The following OIT3 variants were observed in gnomAD, a reference collection of about 807,000 sequenced individuals.
OIT3 encodes the protein oncoprotein induced transcript 3.
Under a neutral mutation model 52.2 loss-of-function variants are expected in OIT3, and 41 were observed. The observed-to-expected ratio is 0.79, with a 90% CI of 0.61 to 1.02. The LOEUF (loss-of-function observed/expected upper bound fraction) is 1.02, where lower values mean the gene tolerates loss of function less well. Among genes scored for constraint, OIT3 ranks in the 50% least tolerant of loss-of-function variants. OIT3 has a pLI of 0.00. For missense variants in OIT3, 634 were observed against 715.5 expected, an observed-to-expected ratio of 0.89 and a Z score of 1.30; for synonymous variants, 244 against 276.9, an observed-to-expected ratio of 0.88 and a Z score of 1.18.
At chr10:72,915,629 C>T (rs985387458) in intron 6 of OIT3, among the ~76,000 whole-genome samples, 16 of 152,142 alleles carry the variant, frequency 1.1e-4, no homozygotes, top group African/African-American at 3.9e-4. Flanking sequence ...TTCCCATTTT[C>T]CCTGTAAGGA....
intron 7 of OIT3, among the ~76,000 whole-genome samples, chr10:72,925,507 A>G (rs1846162665): frequency 6.6e-6 from 1 of 152,244 alleles, no homozygotes. Context: ...GCCAGCAAAC[A>G]TAAATTCCTC....
At chr10:72,903,012 G>A (rs943544265) in intron 3 of OIT3, among the ~76,000 whole-genome samples, 3 of 152,140 alleles carry the variant, frequency 2.0e-5, no homozygotes, top group African/African-American at 4.8e-5. Flanking sequence ...TGTGGGGTCT[G>A]TGGGACTTCA....
chr10:72,932,984 A>G lies in OIT3; in HGVS notation c.*460A>G, dbSNP rs937038196. On this transcript the variant is annotated 3_prime_UTR_variant, in exon 9 of 9. Coordinates refer to ENST00000334011, the MANE Select transcript of OIT3 (RefSeq NM_152635.3). ...GAAATTTCAATTCAAATGCAGACTA[A>G]TTATAGGGAATTTGGAAGTGTATCA... 1 of 153,936 alleles carries G rather than the reference A, an allele frequency of 6.5e-6. No individual in the cohort carries two copies. The highest frequency in any genetic ancestry group is 2.4e-5 in the African/African-American group (1 of 41,542). The allele number at this position is 153,936 out of a possible 1,614,324, so 9.5% of individuals were successfully genotyped here.
In OIT3 at chr10:72,898,275, A is replaced by G. The variant is rs927354885; in HGVS notation, c.62-389A>G. Among the ~76,000 whole-genome samples the G allele has an allele frequency of 2.0e-5, 3 of 152,164 alleles. No homozygotes were observed. In the East Asian group the frequency reaches 5.8e-4, roughly 29 times the overall value. On this transcript the variant is annotated intron_variant, in intron 1 of 8. Coordinates refer to ENST00000334011, the MANE Select transcript of OIT3 (RefSeq NM_152635.3). ...GCACTCCAGCCTGGGTGACAGAGCC[A>G]AACCCTGTTTCAAAAATAATAATAA...
intron 6 of OIT3, among the ~76,000 whole-genome samples, chr10:72,916,672 A>G (rs1472403435): frequency 6.6e-6 from 1 of 152,222 alleles, no homozygotes; most frequent in Non-Finnish European, 1.5e-5. Context: ...AGGATGATTT[A>G]TAATCCTTTG....
intron 5 of OIT3, 29 bp from the exon 6 acceptor site, chr10:72,913,279 G>T: frequency 1.3e-6 from 2 of 1,538,102 alleles, no homozygotes; most frequent in Non-Finnish European, 1.8e-6. Flanking sequence ...AGGTTTCCTG[G>T]CTCTAACAGT....
At chr10:72,894,745 G>A (rs1342807902) in intron 1 of OIT3, among the ~76,000 whole-genome samples, 3 of 152,032 alleles carry the variant, frequency 2.0e-5, no homozygotes, top group Admixed American at 2.0e-4. Flanking sequence ...AAAATTAGAT[G>A]GTCATGGTGT....
At chr10:72,923,769 G>A (rs758189381) in intron 6 of OIT3, among the ~76,000 whole-genome samples, 2 of 152,306 alleles carry the variant, frequency 1.3e-5, no homozygotes, top group Non-Finnish European at 2.9e-5. Flanking sequence ...CCTAGAGTAG[G>A]TATGCCATGC....
Position 72,930,655 on chromosome 10 carries a change from A to AATT in OIT3, c.1467+19_1467+21dup, listed in dbSNP as rs1179535923. On this transcript the variant is annotated intron_variant, in intron 8 of 8. Coordinates refer to ENST00000334011, the MANE Select transcript of OIT3 (RefSeq NM_152635.3). ...ACCACAAGGTGAGTTGAACATCTTT[A>AATT]ATTTATAACCCCTGAACCTGAGCCT... 7.0e-7 allele frequency: 1 copy of AATT among 1,430,450 alleles called. No homozygotes were observed. The highest frequency in any genetic ancestry group is 9.8e-7 in the Non-Finnish European group (1 of 1,020,316). 88.6% of individuals were successfully genotyped at this position (1,430,450 alleles called of 1,614,324 possible).
intron 7 of OIT3, among the ~76,000 whole-genome samples, chr10:72,926,390 ATTGTC>A (rs923207208): frequency 2.0e-5 from 3 of 152,062 alleles, no homozygotes; most frequent in African/African-American, 4.8e-5. Context: ...TTCCATTCCT[ATTGTC>A]TTAATTCCCA....
At chr10:72,906,543 G>T in intron 3 of OIT3, 53 bp from the exon 4 acceptor site, 1 of 1,607,422 alleles carries the variant, frequency 6.2e-7, no homozygotes, top group Non-Finnish European at 8.5e-7. Flanking sequence ...GGGGGGTTGG[G>T]AAAAGGCTGA....
At chr10:72,917,367 C>T (rs1323293922) in intron 6 of OIT3, among the ~76,000 whole-genome samples, 1 of 151,866 alleles carries the variant, frequency 6.6e-6, no homozygotes, top group Admixed American at 6.6e-5. Flanking sequence ...TTTTGTCTCC[C>T]CATCGTTTCC....
At chr10:72,919,630 C>A (rs900472311) in intron 6 of OIT3, among the ~76,000 whole-genome samples, 10 of 152,024 alleles carry the variant, frequency 6.6e-5, no homozygotes, top group African/African-American at 2.4e-4. Context: ...CCTTCAACAC[C>A]TAGTTTATTG....
chr10:72,912,280 T>TC (rs987912693), intron 5 of OIT3, among the ~76,000 whole-genome samples: 7 of 149,212 alleles, frequency 4.7e-5, no homozygotes, highest in African/African-American at 1.5e-4. Context: ...TTCTTTTTTT[T>TC]TTTTTTTTTG....
chr10:72,900,298 C>T, intron 2 of OIT3, 79 bp from the exon 3 acceptor site: 1 of 772,530 alleles, frequency 1.3e-6, no homozygotes, highest in Non-Finnish European at 2.2e-6. Context: ...CCCCCGACCC[C>T]CCGCACCATC....
In OIT3 at chr10:72,924,558, C is replaced by T. The variant is rs536250413; in HGVS notation, c.1281C>T (p.Ser427=). ...GCATTGAGCCCGTGGTGCACGTGAG[C>T]GGCTTGGAAAGCTTGGTGGAGAGCT... The part of the protein sequence containing the change: ...YFGIEPVVHV[S]GLESLVESCF... Residue 427 remains serine, a synonymous_variant, in exon 7 of 9, where the codon AGC becomes AGT. Coordinates refer to ENST00000334011, the MANE Select transcript of OIT3 (RefSeq NM_152635.3). 2.5e-5 allele frequency: 40 copies of T among 1,614,110 alleles called. No individual in the cohort carries two copies. Among genetic ancestry groups the T allele is most frequent in the South Asian group, 1.4e-4 (13 of 91,084 alleles).
intron 6 of OIT3, among the ~76,000 whole-genome samples, chr10:72,923,551 G>T (rs1437523869): frequency 6.6e-6 from 1 of 151,888 alleles, no homozygotes; most frequent in African/African-American, 2.4e-5. Flanking sequence ...GCTCTCCAAA[G>T]TCTGGAGGCT....
chr10:72,922,969 G>A lies in OIT3; in HGVS notation c.952-1260G>A, dbSNP rs145978451. ...CAGCTCACTGCAACCTTTGTCTCCT[G>A]CATTCAAGTGATTCTCCTGCCTCAG... On this transcript the variant is annotated intron_variant, in intron 6 of 8. Coordinates refer to ENST00000334011, the MANE Select transcript of OIT3 (RefSeq NM_152635.3). 5.9e-5 allele frequency among the ~76,000 whole-genome samples: 9 copies of A among 152,182 alleles called. No homozygotes were observed. The East Asian group carries it at 1.7e-3, about 29-fold the overall frequency.
chr10:72,896,709 C>T (rs1845878157), intron 1 of OIT3, among the ~76,000 whole-genome samples: 1 of 152,138 alleles, frequency 6.6e-6, no homozygotes, highest in Non-Finnish European at 1.5e-5. Context: ...GTGATCATGG[C>T]CCATTCATAT....
Sources: allele counts gnomAD v4.1 joint callset (sites outside exome capture counted in the v4.1 genomes callset), GRCh38; gene constraint gnomAD v4.1.1; transcripts MANE v1.5; gene names NCBI Gene and HGNC (gene_info 2026-07-23, HGNC 2026-07-21).